The following ZNF536 variants were observed in gnomAD, a reference collection of about 807,000 sequenced individuals.
ZNF536 encodes the protein zinc finger protein 536.
Under a neutral mutation model 84.5 loss-of-function variants are expected in ZNF536, and 13 were observed. The observed-to-expected ratio is 0.15, with a 90% CI of 0.10 to 0.24. The LOEUF is 0.24. Ranked by LOEUF, ZNF536 falls within the 10% of genes least tolerant of loss-of-function variation. The probability of loss-of-function intolerance (pLI) is 1.00; values close to 1 mark genes in which losing one functional copy is unlikely to be tolerated. For missense variants in ZNF536, 1,536 were observed against 1,747.5 expected (o/e 0.88, Z 2.16); for synonymous variants, 811 against 742.5 (o/e 1.09, Z -1.50).
chr19:30,351,796 C>A (rs2047938065), intron 2 of ZNF536, among the ~76,000 whole-genome samples: 1 of 152,222 alleles, frequency 6.6e-6, no homozygotes, highest in Non-Finnish European at 1.5e-5. Flanking sequence ...ACTGTTTTAG[C>A]AGAAAGCCTG....
chr19:30,501,097 A>T (rs1484079237), intron 2 of ZNF536, among the ~76,000 whole-genome samples: 1 of 152,184 alleles, frequency 6.6e-6, no homozygotes, highest in Non-Finnish European at 1.5e-5. Context: ...TGATTACTTT[A>T]TGAAAAGGCT....
intron 2 of ZNF536, among the ~76,000 whole-genome samples, chr19:30,491,531 A>C (rs2054508997): frequency 6.6e-6 from 1 of 152,246 alleles, no homozygotes; most frequent in Non-Finnish European, 1.5e-5. Context: ...CAAAGGGATC[A>C]GACCCACTTC....
intron 1 of ZNF536, among the ~76,000 whole-genome samples, chr19:30,236,095 T>C (rs1230960619): frequency 1.3e-5 from 2 of 152,176 alleles, no homozygotes; most frequent in African/African-American, 4.8e-5. Flanking sequence ...AAAGTGGTAG[T>C]GTGGGAATGC....
intron 2 of ZNF536, among the ~76,000 whole-genome samples, chr19:30,494,273 G>A (rs1031912051): frequency 2.6e-5 from 4 of 152,200 alleles, no homozygotes; most frequent in Non-Finnish European, 4.4e-5. Flanking sequence ...TGACTGGTTC[G>A]TTACAGCTAA....
At chr19:30,384,429 G>A (rs2147240827) in intron 1 of ZNF536, among the ~76,000 whole-genome samples, 1 of 149,432 alleles carries the variant, frequency 6.7e-6, no homozygotes. Context: ...TTAATGCTGG[G>A]GGCCTGGTGG....
At chr19:30,667,625 C>T (rs924030745) in intron 1 of ZNF536, among the ~76,000 whole-genome samples, 7 of 124,006 alleles carry the variant, frequency 5.6e-5, no homozygotes, top group East Asian at 2.5e-4. Flanking sequence ...TTTTTTCTAG[C>T]TTTTTTTTTT....
intron 2 of ZNF536, among the ~76,000 whole-genome samples, chr19:30,326,114 G>A (rs1313679995): frequency 6.6e-6 from 1 of 152,248 alleles, no homozygotes; most frequent in Non-Finnish European, 1.5e-5. Context: ...AGATTTAATA[G>A]TGCTGGGGTC....
intron 1 of ZNF536, 89 bp downstream of exon 1, chr19:30,372,645 A>C (rs2048650757): frequency 6.6e-6 from 1 of 152,114 alleles, no homozygotes. Flanking sequence ...CCACACATGC[A>C]CCCACCCACA....
intron 1 of ZNF536, among the ~76,000 whole-genome samples, chr19:30,601,384 G>A (rs2146932634): frequency 6.6e-6 from 1 of 152,274 alleles, no homozygotes; most frequent in African/African-American, 2.4e-5. Context: ...TGAGTCACGT[G>A]GGCAGCAGAT....
chr19:30,652,583 C>A (rs574936596), intron 1 of ZNF536, among the ~76,000 whole-genome samples: 1 of 152,276 alleles, frequency 6.6e-6, no homozygotes, highest in East Asian at 1.9e-4. Context: ...CCCATGGATG[C>A]AGAGAGGTGC....
rs1029219752 is a variant in ZNF536, at chr19:30,592,359, G to A, written c.169+42845G>A. ...TTTTTTTTCCATTTTTCCCCTTCCG[G>A]CAACTTATTTGATCACCTTCTTTTG... On this transcript the variant is annotated intron_variant, in intron 1 of 1. Coordinates refer to the ZNF536 transcript ENST00000592773. 5.3e-5 allele frequency among the ~76,000 whole-genome samples: 8 copies of A among 152,224 alleles called. No individual in the cohort carries two copies. The South Asian group carries it at 6.2e-4, about 12-fold the overall frequency.
chr19:30,422,502 T>C (rs1206366835), intron 1 of ZNF536, among the ~76,000 whole-genome samples: 1 of 152,200 alleles, frequency 6.6e-6, no homozygotes, highest in Non-Finnish European at 1.5e-5. Flanking sequence ...GCCACCTCCC[T>C]GCAAGAGTAT....
At chr19:30,561,312 G>T (rs2046156253), downstream of ZNF536, among the ~76,000 whole-genome samples, 1 of 152,226 alleles carries the variant, frequency 6.6e-6, no homozygotes, top group Admixed American at 6.5e-5. Flanking sequence ...TCCAAGGTGT[G>T]CCCTGCACCT....
In ZNF536 at chr19:30,557,142, C is replaced by T. The variant is rs781025870; in HGVS notation, c.3896-15C>T. ...GTTTCTGGATTATTTAATAAATCTGCACATTTTCTTGCAGGTAAGTGACAC... is the reference window on the plus strand; with the variant it reads ...GTTTCTGGATTATTTAATAAATCTGTACATTTTCTTGCAGGTAAGTGACAC... On this transcript the variant is annotated splice_polypyrimidine_tract_variant and intron_variant, in intron 4 of 4. Coordinates refer to ENST00000355537, the MANE Select transcript of ZNF536 (RefSeq NM_014717.3). The T allele has an allele frequency of 7.4e-6, 12 of 1,613,508 alleles. No homozygotes were observed. In the South Asian group the frequency reaches 1.1e-4, roughly 15 times the overall value.
intron 2 of ZNF536, among the ~76,000 whole-genome samples, chr19:30,500,485 G>A (rs1047594148): frequency 6.6e-6 from 1 of 152,150 alleles, no homozygotes; most frequent in African/African-American, 2.4e-5. Flanking sequence ...AGATGCAGTG[G>A]ATGGACTTGA....
At chr19:30,495,609 C>T (rs1297634852) in intron 2 of ZNF536, among the ~76,000 whole-genome samples, 1 of 152,162 alleles carries the variant, frequency 6.6e-6, no homozygotes, top group Non-Finnish European at 1.5e-5. Flanking sequence ...GAGCGTAGGC[C>T]CACAGGGCAG....
intron 2 of ZNF536, among the ~76,000 whole-genome samples, chr19:30,450,325 G>A (rs184705715): frequency 4.6e-5 from 7 of 152,264 alleles, no homozygotes; most frequent in East Asian, 3.9e-4. Context: ...GGGCTGGAGG[G>A]GGGGAGAGGG....
chr19:30,229,499 G>A (rs537854691), intron 1 of ZNF536, among the ~76,000 whole-genome samples: 11 of 152,328 alleles, frequency 7.2e-5, no homozygotes, highest in African/African-American at 2.6e-4. Flanking sequence ...TAGAACCCTA[G>A]TTCTTGTTTG....
rs567030554 is a variant in ZNF536 at position 30,567,010 on chromosome 19, G to C, written c.169+17496G>C. ...CTCTCTGGGTAGTGGCGGTCCCCGC[G>C]TGTGGCCTCTCCGGGTAGTGGCGGT... On this transcript the variant is annotated intron_variant, in intron 1 of 1. Coordinates refer to the ZNF536 transcript ENST00000592773. Among the ~76,000 whole-genome samples, 146 of 150,866 alleles carry C rather than the reference G, an allele frequency of 9.7e-4. 1 individual carries two copies. The highest frequency in any genetic ancestry group is 3.5e-3 in the African/African-American group (145 of 41,048).
Sources: gnomAD v4.1 joint callset for allele counts (sites outside exome capture counted in the v4.1 genomes callset) on GRCh38, gnomAD v4.1.1 for gene constraint, MANE v1.5 for transcripts, NCBI Gene and HGNC (gene_info 2026-07-23, HGNC 2026-07-21) for gene names.